The following ARID1B variants were observed in gnomAD, a reference collection of about 807,000 sequenced individuals.
ARID1B encodes the protein AT-rich interactive domain-containing protein 1B.
ARID1B carries 30 observed loss-of-function variants against 212.3 expected under a neutral mutation model. The observed-to-expected ratio is 0.14, with a 90% CI of 0.11 to 0.19. The LOEUF (loss-of-function observed/expected upper bound fraction) is 0.19, where lower values mean the gene tolerates loss of function less well. Ranked by LOEUF, ARID1B falls within the 10% of genes least tolerant of loss-of-function variation. The probability of loss-of-function intolerance (pLI) is 1.00; values close to 1 mark genes in which losing one functional copy is unlikely to be tolerated. For missense variants in ARID1B, 2,891 were observed against 3,204.0 expected, an observed-to-expected ratio of 0.90 and a Z score of 2.36; for synonymous variants, 1,402 against 1,301.7, an observed-to-expected ratio of 1.08 and a Z score of -1.66.
intron 2 of ARID1B, among the ~76,000 whole-genome samples, chr6:156,876,246 A>AT (rs1786538222): frequency 6.6e-6 from 1 of 152,236 alleles, no homozygotes; most frequent in Non-Finnish European, 1.5e-5. Flanking sequence ...ATAAGTTTGT[A>AT]TTAATGTTTG....
At position 157,067,400 on chromosome 6, in the gene ARID1B, A is replaced by G. The variant is rs375293712; in HGVS notation, c.2248-17262A>G. 2.0e-5 allele frequency among the ~76,000 whole-genome samples: 3 copies of G among 152,328 alleles called. No individual in the cohort carries two copies. The East Asian group carries it at 5.8e-4, about 29-fold the overall frequency. On this transcript the variant is annotated intron_variant, in intron 4 of 19. Coordinates refer to ENST00000636930, the MANE Select transcript of ARID1B (RefSeq NM_001374828.1). ...TTTCCTGAGAACAAATGGGGTTTGAAACTGGCCTGGTGCTAAGACAGAGTC... is the reference window on the plus strand; with the variant it reads ...TTTCCTGAGAACAAATGGGGTTTGAGACTGGCCTGGTGCTAAGACAGAGTC...
intron 4 of ARID1B, among the ~76,000 whole-genome samples, chr6:157,021,963 T>C (rs1411339148): frequency 1.3e-5 from 2 of 152,180 alleles, no homozygotes; most frequent in East Asian, 3.9e-4. Context: ...ATTTTTCCCC[T>C]ACTTCCTTTG....
intron 1 of ARID1B, among the ~76,000 whole-genome samples, chr6:156,805,233 G>A (rs1010980828): frequency 2.6e-5 from 4 of 152,174 alleles, no homozygotes; most frequent in African/African-American, 9.7e-5. Flanking sequence ...AAATCTTAGG[G>A]AAAATCTGGT....
At chr6:156,935,613 G>A (rs1792137158) in intron 4 of ARID1B, 37 bp downstream of exon 4, 1 of 1,523,230 alleles carries the variant, frequency 6.6e-7, no homozygotes, top group Non-Finnish European at 9.1e-7. Context: ...AATGTAATGA[G>A]TTAAAGACTT....
At chr6:157,055,563 T>A (rs900507139) in intron 4 of ARID1B, among the ~76,000 whole-genome samples, 4 of 152,228 alleles carry the variant, frequency 2.6e-5, no homozygotes, top group Non-Finnish European at 5.9e-5. Context: ...AAGGAAAATT[T>A]GAAAATTCTT....
At chr6:157,021,133 G>A (rs940264282) in intron 4 of ARID1B, among the ~76,000 whole-genome samples, 2 of 151,914 alleles carry the variant, frequency 1.3e-5, no homozygotes, top group African/African-American at 4.8e-5. Flanking sequence ...GGATTTTAGA[G>A]AGAGGGTGTG....
intron 3 of ARID1B, among the ~76,000 whole-genome samples, chr6:156,928,894 AAG>A (rs1791469621): frequency 6.6e-6 from 1 of 152,230 alleles, no homozygotes; most frequent in Non-Finnish European, 1.5e-5. Flanking sequence ...AATTTTTCAA[AAG>A]AGAATTTAGG....
At chr6:156,914,150 C>T (rs184636466) in intron 3 of ARID1B, among the ~76,000 whole-genome samples, 32 of 145,636 alleles carry the variant, frequency 2.2e-4, no homozygotes, top group Non-Finnish European at 3.3e-4. Flanking sequence ...GAACTGCCAG[C>T]GCCACCCCAG....
At chr6:156,869,067 G>A (rs943362788) in intron 2 of ARID1B, among the ~76,000 whole-genome samples, 18 of 152,032 alleles carry the variant, frequency 1.2e-4, no homozygotes, top group East Asian at 3.9e-4. Flanking sequence ...CCTCTAAAGC[G>A]TTAAATTTTC....
chr6:157,120,864 G>C (rs1350523367), intron 6 of ARID1B, among the ~76,000 whole-genome samples: 1 of 152,172 alleles, frequency 6.6e-6, no homozygotes, highest in African/African-American at 2.4e-5. Flanking sequence ...GCTAGCTGAC[G>C]AGGCACCTTT....
Position 156,778,292 on chromosome 6 carries a change from ACAGCAGCAG to A in ARID1B, c.627_635del (p.Gln212_Gln214del), listed in dbSNP as rs587779744. 142 of 1,518,356 alleles carry A rather than the reference ACAGCAGCAG, an allele frequency of 9.4e-5. No homozygotes were observed. The highest frequency in any genetic ancestry group is 3.4e-4 in the African/African-American group (22 of 64,498). 94.1% of individuals were successfully genotyped at this position (1,518,356 alleles called of 1,614,324 possible). The stretch of plus-strand genomic sequence containing the variant: ...TCCAGCAGCAGCAGCAGCAGCAGCA[ACAGCAGCAG>A]CAGCAGCAGCAGCAACAGCAACATC... On this transcript the variant is annotated inframe_deletion, in exon 1 of 20. Coordinates refer to ENST00000636930, the MANE Select transcript of ARID1B (RefSeq NM_001374828.1).
chr6:157,036,965 T>C, intron 4 of ARID1B: 1 of 420,820 alleles, frequency 2.4e-6, no homozygotes, highest in Admixed American at 3.4e-5. Context: ...CTTATTTTTT[T>C]TTTAATCATA....
chr6:157,059,001 C>T (rs1185092583), intron 4 of ARID1B, among the ~76,000 whole-genome samples: 1 of 151,696 alleles, frequency 6.6e-6, no homozygotes, highest in African/African-American at 2.4e-5. Flanking sequence ...CCCAAAACAC[C>T]TTGCCTAGAT....
chr6:156,962,403 T>C lies in ARID1B; in HGVS notation c.2247+26827T>C, dbSNP rs1794445480. Among the ~76,000 whole-genome samples the C allele has an allele frequency of 2.0e-5, 3 of 152,368 alleles. No individual in the cohort carries two copies. In the South Asian group the frequency reaches 6.2e-4, roughly 32 times the overall value. On this transcript the variant is annotated intron_variant, in intron 4 of 19. Coordinates refer to ENST00000636930, the MANE Select transcript of ARID1B (RefSeq NM_001374828.1). ...TAAAAAGCTGTGTTATAAAATTTTA[T>C]TTTTTAATTTTAGAAAAAGTTTTCC...
At chr6:157,069,129 C>A in intron 4 of ARID1B, among the ~76,000 whole-genome samples, 1 of 151,248 alleles carries the variant, frequency 6.6e-6, no homozygotes, top group Non-Finnish European at 1.5e-5. Flanking sequence ...TTTTCTTTTT[C>A]TATACTCAAA....
At chr6:157,191,109 T>G (rs886987408) in intron 15 of ARID1B, among the ~76,000 whole-genome samples, 1 of 152,070 alleles carries the variant, frequency 6.6e-6, no homozygotes, top group African/African-American at 2.4e-5. Context: ...TAGTTTTTTT[T>G]TGTGATAAAT....
chr6:157,007,967 C>T (rs1583132605), intron 4 of ARID1B, among the ~76,000 whole-genome samples: 4 of 151,784 alleles, frequency 2.6e-5, no homozygotes, highest in Admixed American at 2.0e-4. Flanking sequence ...TGAGCCACTG[C>T]GCCCAGCCTA....
intron 4 of ARID1B, among the ~76,000 whole-genome samples, chr6:156,947,883 T>C (rs1339285054): frequency 6.6e-6 from 1 of 152,338 alleles, no homozygotes; most frequent in East Asian, 1.9e-4. Context: ...AACATGCATG[T>C]ATTTTTATAT....
intron 7 of ARID1B, chr6:157,140,711 A>G: frequency 2.5e-6 from 1 of 398,542 alleles, no homozygotes; most frequent in Non-Finnish European, 4.4e-6. Context: ...TTTCTTCTTC[A>G]CTTGCTGCCT....
Sources: gnomAD v4.1 joint callset for allele counts (sites outside exome capture counted in the v4.1 genomes callset) on GRCh38, gnomAD v4.1.1 for gene constraint, MANE v1.5 for transcripts, NCBI Gene and HGNC (gene_info 2026-07-23, HGNC 2026-07-21) for gene names.